RIN2: variants seen among roughly 807,000 people sequenced by gnomAD.
RIN2 encodes RAB5 interacting protein 2.
RIN2 carries 36 observed loss-of-function variants against 78.0 expected under a neutral mutation model. The ratio of observed to expected loss-of-function variants is 0.46; its 90% confidence interval spans 0.35 to 0.61. The LOEUF (loss-of-function observed/expected upper bound fraction) is 0.61, where lower values mean the gene tolerates loss of function less well. Ranked by LOEUF, RIN2 falls within the 20% of genes least tolerant of loss-of-function variation. RIN2 has a pLI of 0.00. For missense variants in RIN2, 1,087 were observed against 1,159.7 expected, an observed-to-expected ratio of 0.94 and a Z score of 0.91; for synonymous variants, 466 against 466.8, an observed-to-expected ratio of 1.00 and a Z score of 0.02.
At chr20:19,787,714 T>G (rs1346796707) in intron 1 of RIN2, among the ~76,000 whole-genome samples, 1 of 152,238 alleles carries the variant, frequency 6.6e-6, no homozygotes, top group Non-Finnish European at 1.5e-5. Context: ...GAGTGCTCAA[T>G]AAGTGGTAGC....
At chr20:19,837,437 C>G (rs1440166809) in intron 2 of RIN2, among the ~76,000 whole-genome samples, 1 of 152,180 alleles carries the variant, frequency 6.6e-6, no homozygotes, top group African/African-American at 2.4e-5. Context: ...GAGAAATAGT[C>G]TCTTGTTGTC....
At chr20:19,762,100 T>C (rs1247733729) in intron 1 of RIN2, among the ~76,000 whole-genome samples, 1 of 152,156 alleles carries the variant, frequency 6.6e-6, no homozygotes, top group South Asian at 2.1e-4. Flanking sequence ...TTATGAAAAG[T>C]AAGTAAATGT....
intron 4 of RIN2, among the ~76,000 whole-genome samples, chr20:19,954,554 C>G (rs1026168209): frequency 1.3e-5 from 2 of 152,156 alleles, no homozygotes; most frequent in Non-Finnish European, 2.9e-5. Context: ...TGAGCAAGAT[C>G]CTGACCTGAG....
chr20:19,987,545 G>A (rs141797270), intron 9 of RIN2, among the ~76,000 whole-genome samples: 274 of 152,234 alleles, frequency 1.8e-3, no homozygotes, highest in African/African-American at 6.0e-3. Flanking sequence ...TCTGTTAAAC[G>A]GACATAATAT....
intron 3 of RIN2, among the ~76,000 whole-genome samples, chr20:19,919,339 AG>A (rs2039814306): frequency 6.6e-6 from 1 of 152,214 alleles, no homozygotes; most frequent in South Asian, 2.1e-4. Context: ...ATACACCTGC[AG>A]GCCCCTTCAA....
chr20:19,952,428 T>A (rs919801840), intron 4 of RIN2, among the ~76,000 whole-genome samples: 1 of 152,218 alleles, frequency 6.6e-6, no homozygotes, highest in Non-Finnish European at 1.5e-5. Flanking sequence ...TTGTTCCTGA[T>A]AAAAGCCAAT....
intron 2 of RIN2, among the ~76,000 whole-genome samples, chr20:19,846,370 T>G (rs2036784216): frequency 6.6e-6 from 1 of 152,170 alleles, no homozygotes; most frequent in Admixed American, 6.5e-5. Flanking sequence ...GCATGGAATG[T>G]TTTTCCATTT....
intron 2 of RIN2, among the ~76,000 whole-genome samples, chr20:19,841,398 G>C (rs1433163573): frequency 6.6e-6 from 1 of 152,040 alleles, no homozygotes; most frequent in African/African-American, 2.4e-5. Flanking sequence ...ACCTCACCTG[G>C]AGTTGGGAGT....
chr20:19,759,191 G>T lies in RIN2; in HGVS notation c.-163+864G>T, dbSNP rs538285966. Among the ~76,000 whole-genome samples the T allele has an allele frequency of 2.6e-5, 4 of 152,308 alleles. No homozygotes were observed. In the South Asian group the frequency reaches 8.3e-4, roughly 32 times the overall value. ...CTATGATATGTTGCCAAGAAATACA[G>T]GGCAAGATCGGTCCCCTGGGCCCTG... On this transcript the variant is annotated intron_variant, in intron 1 of 12. Transcript: ENST00000255006.
chr20:19,963,719 G>C (rs898767129), intron 6 of RIN2, among the ~76,000 whole-genome samples: 1 of 152,088 alleles, frequency 6.6e-6, no homozygotes, highest in African/African-American at 2.4e-5. Context: ...ATGTTTAGAG[G>C]AATATCAGTG....
In RIN2 at chr20:19,819,055, G is replaced by C. The variant is rs531026571; in HGVS notation, c.-37+19308G>C. On this transcript the variant is annotated intron_variant, in intron 2 of 12. Transcript: ENST00000255006. ...GCATGTGCACGTGGGCATACATATA[G>C]GGTCCGGAAGGACAGATCTTTAATG... Among the ~76,000 whole-genome samples the C allele has an allele frequency of 1.3e-4, 20 of 152,276 alleles. No homozygotes were observed. In the East Asian group the frequency reaches 3.9e-3, roughly 29 times the overall value.
intron 3 of RIN2, among the ~76,000 whole-genome samples, chr20:19,911,520 G>T (rs2039465578): frequency 6.6e-6 from 1 of 152,124 alleles, no homozygotes; most frequent in African/African-American, 2.4e-5. Flanking sequence ...ACATTCTCTT[G>T]CACAAACAGT....
chr20:19,904,005 C>T (rs889890254), intron 3 of RIN2, among the ~76,000 whole-genome samples: 4 of 152,048 alleles, frequency 2.6e-5, no homozygotes, highest in Non-Finnish European at 5.9e-5. Flanking sequence ...AATCCCAGCA[C>T]TTTGGGAGGC....
chr20:19,989,406 T>G (rs2042726083), intron 9 of RIN2, among the ~76,000 whole-genome samples: 1 of 151,854 alleles, frequency 6.6e-6, no homozygotes, highest in Non-Finnish European at 1.5e-5. Context: ...CCCCAGTAGC[T>G]GGGACTACAA....
intron 2 of RIN2, among the ~76,000 whole-genome samples, chr20:19,865,116 A>G (rs1022556492): frequency 1.3e-5 from 2 of 152,178 alleles, no homozygotes; most frequent in Non-Finnish European, 2.9e-5. Context: ...GTACTTGCCA[A>G]TTTCCATGGT....
At chr20:19,982,027 C>T (rs1324835573) in intron 9 of RIN2, among the ~76,000 whole-genome samples, 1 of 152,194 alleles carries the variant, frequency 6.6e-6, no homozygotes, top group Non-Finnish European at 1.5e-5. Flanking sequence ...GGAGTGTGTG[C>T]TGCATGAGGG....
At chr20:19,901,036 G>A (rs536794619) in intron 3 of RIN2, among the ~76,000 whole-genome samples, 1 of 150,510 alleles carries the variant, frequency 6.6e-6, no homozygotes, top group East Asian at 2.0e-4. Context: ...ATAAGGCCCA[G>A]CTCTCTCCTG....
At chr20:19,776,312 C>T (rs1371854979) in intron 1 of RIN2, among the ~76,000 whole-genome samples, 1 of 152,174 alleles carries the variant, frequency 6.6e-6, no homozygotes, top group Non-Finnish European at 1.5e-5. Context: ...AAACATTTAC[C>T]ATCTCTTCTC....
intron 2 of RIN2, among the ~76,000 whole-genome samples, chr20:19,858,090 G>GGA (rs1307819272): frequency 1.3e-5 from 2 of 151,604 alleles, no homozygotes; most frequent in East Asian, 3.9e-4. Flanking sequence ...CTTTAATGAG[G>GGA]TCCAACTCAT....
Sources: allele counts gnomAD v4.1 joint callset (sites outside exome capture counted in the v4.1 genomes callset), GRCh38; gene constraint gnomAD v4.1.1; transcripts MANE v1.5; gene names NCBI Gene and HGNC (gene_info 2026-07-23, HGNC 2026-07-21).